SPOCK3: variants seen among roughly 807,000 people sequenced by gnomAD.
SPOCK3 encodes the protein SPARC (osteonectin), cwcv and kazal like domains proteoglycan 3.
A neutral mutation model predicts 56.6 loss-of-function variants in SPOCK3; 30 were observed. That is an observed-to-expected ratio of 0.53 (90% confidence interval 0.40 to 0.72). The LOEUF (loss-of-function observed/expected upper bound fraction) is 0.72. Ranked by LOEUF, SPOCK3 falls within the 30% of genes least tolerant of loss-of-function variation. The pLI, the probability that SPOCK3 is intolerant of heterozygous loss-of-function variation, is 0.00. For missense variants in SPOCK3, 527 were observed against 530.0 expected (o/e 0.99, Z 0.06); for synonymous variants, 196 against 183.3 (o/e 1.07, Z -0.56).
chr4:167,019,460 T>C (rs925978424), intron 3 of SPOCK3, among the ~76,000 whole-genome samples: 1 of 151,724 alleles, frequency 6.6e-6, no homozygotes, highest in Admixed American at 6.6e-5. Flanking sequence ...TAACCATATA[T>C]AATTTATAGA....
At chr4:167,028,085 G>A (rs1048267335) in intron 3 of SPOCK3, among the ~76,000 whole-genome samples, 3 of 151,896 alleles carry the variant, frequency 2.0e-5, no homozygotes, top group African/African-American at 7.3e-5. Context: ...AATGCTCCTT[G>A]TTCTTCTCAT....
chr4:167,010,821 G>T (rs1222256569), intron 3 of SPOCK3, among the ~76,000 whole-genome samples: 2 of 137,164 alleles, frequency 1.5e-5, no homozygotes, highest in Non-Finnish European at 2.9e-5. Context: ...AATTTCCAGT[G>T]GGGGGGAGAT....
intron 3 of SPOCK3, among the ~76,000 whole-genome samples, chr4:167,024,699 G>C (rs1751531154): frequency 1.3e-5 from 2 of 152,018 alleles, no homozygotes; most frequent in South Asian, 2.1e-4. Flanking sequence ...GACTTGGCGG[G>C]AAGGGTGGGA....
chr4:166,839,782 T>A (rs1747039767), intron 6 of SPOCK3, among the ~76,000 whole-genome samples: 1 of 152,202 alleles, frequency 6.6e-6, no homozygotes, highest in Non-Finnish European at 1.5e-5. Context: ...GTGCACAGTT[T>A]AATTTTAGCT....
intron 2 of SPOCK3, among the ~76,000 whole-genome samples, chr4:167,140,717 C>T (rs1346786438): frequency 6.6e-6 from 1 of 151,924 alleles, no homozygotes. Context: ...AAGCTCCACC[C>T]CTCAATTTCC....
intron 6 of SPOCK3, among the ~76,000 whole-genome samples, chr4:166,793,111 A>G (rs1480246595): frequency 6.6e-6 from 1 of 152,196 alleles, no homozygotes; most frequent in Admixed American, 6.5e-5. Flanking sequence ...CATTGTTTAG[A>G]GGACGTTGTT....
chr4:166,890,420 C>T (rs1734652439), intron 5 of SPOCK3, among the ~76,000 whole-genome samples: 1 of 151,784 alleles, frequency 6.6e-6, no homozygotes, highest in South Asian at 2.1e-4. Flanking sequence ...AGTTTTTCCC[C>T]ACGCAGTAGC....
chr4:166,959,619 G>GA (rs11290751), intron 4 of SPOCK3, among the ~76,000 whole-genome samples: 18 of 145,354 alleles, frequency 1.2e-4, no homozygotes, highest in East Asian at 4.0e-4. Context: ...CTCAAAAAAA[G>GA]AAAAAAAAAA....
At chr4:166,851,508 T>C (rs1730083728) in intron 6 of SPOCK3, among the ~76,000 whole-genome samples, 2 of 152,160 alleles carry the variant, frequency 1.3e-5, no homozygotes, top group African/African-American at 4.8e-5. Context: ...CTTCAGATGA[T>C]CAAATTACTC....
chr4:167,134,253 G>T (rs892266924), intron 2 of SPOCK3, among the ~76,000 whole-genome samples: 1 of 151,586 alleles, frequency 6.6e-6, no homozygotes, highest in African/African-American at 2.4e-5. Context: ...GGCTGGTCTT[G>T]AACTCCTGAC....
chr4:167,100,283 T>C (rs1459331822), intron 2 of SPOCK3, among the ~76,000 whole-genome samples: 5 of 152,156 alleles, frequency 3.3e-5, no homozygotes, highest in Non-Finnish European at 7.4e-5. Flanking sequence ...ACCAGCTGAC[T>C]CTATTCAGTA....
chr4:167,030,301 C>A (rs1010327677), intron 3 of SPOCK3, among the ~76,000 whole-genome samples: 1 of 151,874 alleles, frequency 6.6e-6, no homozygotes, highest in Non-Finnish European at 1.5e-5. Context: ...GTTTTTTATA[C>A]CTGTTTTTAT....
intron 2 of SPOCK3, among the ~76,000 whole-genome samples, chr4:167,094,404 T>C (rs1758965779): frequency 6.6e-6 from 1 of 151,956 alleles, no homozygotes; most frequent in African/African-American, 2.4e-5. Flanking sequence ...CAACAACATA[T>C]AAAATAAGTA....
At chr4:166,904,844 T>A (rs1736443519) in intron 5 of SPOCK3, among the ~76,000 whole-genome samples, 1 of 152,070 alleles carries the variant, frequency 6.6e-6, no homozygotes, top group Admixed American at 6.6e-5. Flanking sequence ...CCTCCTGTAT[T>A]CTTTTTCCTT....
In SPOCK3 at chr4:166,740,960, C is replaced by A. The variant is rs540609876; in HGVS notation, c.994+1037G>T. Among the ~76,000 whole-genome samples the A allele has an allele frequency of 2.6e-5, 4 of 152,210 alleles. No homozygotes were observed. In the South Asian group the frequency reaches 8.3e-4, roughly 32 times the overall value. On this transcript the variant is annotated intron_variant, in intron 9 of 10. Coordinates refer to ENST00000357545, the MANE Select transcript of SPOCK3 (RefSeq NM_001040159.2). ...AAATGTTTTATTACAAAACATTAAACTTTTAATTTTGTACAATGGGCACTG... is the reference window on the plus strand; with the variant it reads ...AAATGTTTTATTACAAAACATTAAAATTTTAATTTTGTACAATGGGCACTG...
chr4:166,860,316 G>C (rs1245636862), intron 6 of SPOCK3, among the ~76,000 whole-genome samples: 1 of 152,024 alleles, frequency 6.6e-6, no homozygotes, highest in Non-Finnish European at 1.5e-5. Flanking sequence ...ACCTGGGGTA[G>C]AGACATTTTA....
intron 7 of SPOCK3, among the ~76,000 whole-genome samples, chr4:166,755,062 C>G (rs1432767567): frequency 6.6e-6 from 1 of 151,930 alleles, no homozygotes. Flanking sequence ...ATAAATGTCT[C>G]ATTAGATATA....
chr4:166,742,906 T>A (rs1013036533), intron 8 of SPOCK3, among the ~76,000 whole-genome samples: 8 of 152,122 alleles, frequency 5.3e-5, no homozygotes, highest in African/African-American at 1.9e-4. Flanking sequence ...CATTTATAGA[T>A]TCAACCAACC....
chr4:166,995,623 G>C (rs1368912662), intron 4 of SPOCK3, among the ~76,000 whole-genome samples: 1 of 151,666 alleles, frequency 6.6e-6, no homozygotes, highest in Non-Finnish European at 1.5e-5. Context: ...TGCTTCTATA[G>C]AACTAATCTC....
Sources: gnomAD v4.1 joint callset for allele counts (sites outside exome capture counted in the v4.1 genomes callset) on GRCh38, gnomAD v4.1.1 for gene constraint, MANE v1.5 for transcripts, NCBI Gene and HGNC (gene_info 2026-07-23, HGNC 2026-07-21) for gene names.